Variants in HAPSTR1 observed in about 807,000 individuals in gnomAD.
HAPSTR1 encodes HUWE1 associated protein modifying stress responses, also known as HUWE1-associated protein modifying stress responses 1.
the HAPSTR1 span, chr16:9,104,250 A>AT: frequency 2.0e-5 from 3 of 151,388 alleles, no homozygotes; most frequent in Non-Finnish European, 2.9e-5. Flanking sequence ...AGTAGCTGGG[A>AT]TTACAGGCAT....
At chr16:9,099,751 C>T in the HAPSTR1 span, among the ~76,000 whole-genome samples, 3 of 151,930 alleles carry the variant, frequency 2.0e-5, no homozygotes, top group Admixed American at 6.6e-5. Flanking sequence ...TTCAAGAGGC[C>T]GTGTGTGTGT....
the HAPSTR1 span, among the ~76,000 whole-genome samples, chr16:9,096,729 C>A: frequency 2.0e-5 from 3 of 151,892 alleles, no homozygotes; most frequent in Non-Finnish European, 4.4e-5. Context: ...AGTGAGAAAC[C>A]CTAAGCATTA....
At chr16:9,096,269 A>AT in the HAPSTR1 span, among the ~76,000 whole-genome samples, 4 of 152,156 alleles carry the variant, frequency 2.6e-5, no homozygotes, top group Non-Finnish European at 4.4e-5. Flanking sequence ...AGTTTTAAGT[A>AT]TTTTTTGGAT....
At chr16:9,113,475 C>T in the HAPSTR1 span, among the ~76,000 whole-genome samples, 1 of 152,122 alleles carries the variant, frequency 6.6e-6, no homozygotes, top group Non-Finnish European at 1.5e-5. Flanking sequence ...ATCCCTAGTC[C>T]ACTTCTGATA....
At chr16:9,092,337 C>T in the HAPSTR1 span, 7 of 1,235,434 alleles carry the variant, frequency 5.7e-6, no homozygotes, top group African/African-American at 1.1e-4. Flanking sequence ...CCGGCCCTAT[C>T]GGCTCAGCGG....
At chr16:9,117,033 T>G in the HAPSTR1 span, 2 of 1,399,242 alleles carry the variant, frequency 1.4e-6, no homozygotes, top group Non-Finnish European at 1.9e-6. Context: ...ACAAGTGAAT[T>G]CTATAGTGGT....
At chr16:9,106,975 A>G in the HAPSTR1 span, 2 of 152,058 alleles carry the variant, frequency 1.3e-5, no homozygotes, top group African/African-American at 4.8e-5. Flanking sequence ...GCTTCTCCTT[A>G]CCTTGGCTTC....
At chr16:9,112,765 T>G in the HAPSTR1 span, 1 of 152,220 alleles carries the variant, frequency 6.6e-6, no homozygotes, top group Non-Finnish European at 1.5e-5. Context: ...TTAGCTCCAG[T>G]GGGAGTTTCC....
the HAPSTR1 span, chr16:9,110,230 T>C: frequency 6.6e-6 from 1 of 150,620 alleles, no homozygotes; most frequent in African/African-American, 2.5e-5. Context: ...TCTTAAATCA[T>C]TAAGTTACTT....
At chr16:9,109,861 C>G in the HAPSTR1 span, 3 of 151,978 alleles carry the variant, frequency 2.0e-5, no homozygotes, top group African/African-American at 4.8e-5. Flanking sequence ...TTGCCGAGGC[C>G]TTTTTGGTTT....
the HAPSTR1 span, chr16:9,120,960 T>C: frequency 6.6e-6 from 1 of 152,214 alleles, no homozygotes; most frequent in East Asian, 1.9e-4. Context: ...TAATTAGTAA[T>C]GCAGCAGTGG....
the HAPSTR1 span, chr16:9,093,001 G>A: frequency 1.2e-6 from 2 of 1,608,866 alleles, no homozygotes; most frequent in South Asian, 1.1e-5. Flanking sequence ...TCTCTACAAA[G>A]GTAAAGATAA....
the HAPSTR1 span, chr16:9,103,458 T>TTC: frequency 1.7e-6 from 1 of 573,562 alleles, no homozygotes; most frequent in South Asian, 2.7e-5. Context: ...TAGAAAATGT[T>TTC]TTTAGAAAGT....
chr16:9,092,911 T>G, the HAPSTR1 span: 2 of 1,574,830 alleles, frequency 1.3e-6, no homozygotes, highest in Non-Finnish European at 1.7e-6. Flanking sequence ...TTTTTTGGCT[T>G]GCTTTTCAGA....
the HAPSTR1 span, among the ~76,000 whole-genome samples, chr16:9,115,094 G>A: frequency 6.6e-6 from 1 of 152,264 alleles, no homozygotes; most frequent in African/African-American, 2.4e-5. Flanking sequence ...GAGCACCTCA[G>A]AAGGGAGGTG....
the HAPSTR1 span, chr16:9,109,729 C>G: frequency 1.3e-5 from 2 of 152,074 alleles, no homozygotes; most frequent in Admixed American, 1.3e-4. Flanking sequence ...GACAGGGGGA[C>G]TTAGGCATGC....
chr16:9,120,399 C>T, the HAPSTR1 span: 16 of 152,382 alleles, frequency 1.0e-4, no homozygotes, highest in African/African-American at 3.6e-4. Context: ...CGAGCAGGCC[C>T]GAGCACCCAG....
the HAPSTR1 span, chr16:9,103,063 T>C: frequency 6.2e-7 from 1 of 1,614,158 alleles, no homozygotes; most frequent in Non-Finnish European, 8.5e-7. Context: ...ATGTGTTGGC[T>C]TGGGTTAAAA....
chr16:9,110,228 C>T, the HAPSTR1 span: 1 of 141,184 alleles, frequency 7.1e-6, no homozygotes, highest in Non-Finnish European at 1.5e-5. Flanking sequence ...TCTCTTAAAT[C>T]ATTAAGTTAC....
Sources: gnomAD v4.1 joint callset for allele counts (sites outside exome capture counted in the v4.1 genomes callset) on GRCh38, gnomAD v4.1.1 for gene constraint, MANE v1.5 for transcripts, NCBI Gene and HGNC (gene_info 2026-07-23, HGNC 2026-07-21) for gene names.